The following KAZN variants were observed in gnomAD, a reference collection of about 807,000 sequenced individuals.
KAZN encodes kazrin, periplakin interacting protein, also known as kazrin.
Under a neutral mutation model 87.4 loss-of-function variants are expected in KAZN, and 40 were observed. The observed-to-expected ratio is 0.46, with a 90% CI of 0.36 to 0.60. The LOEUF is 0.60. Ranked by LOEUF, KAZN falls within the 20% of genes least tolerant of loss-of-function variation. KAZN has a pLI of 0.00. For synonymous variants in KAZN, 466 were observed against 458.3 expected (o/e 1.02, Z -0.22); for missense variants, 898 against 1,073.9 (o/e 0.84, Z 2.29).
In KAZN at chr1:14,195,511, T is replaced by A. The variant is rs867851629; in HGVS notation, c.249+14919T>A. Among the ~76,000 whole-genome samples, 16 of 146,190 alleles carry A rather than the reference T, an allele frequency of 1.1e-4. No individual in the cohort carries two copies. The South Asian group carries it at 1.6e-3, about 15-fold the overall frequency. On this transcript the variant is annotated intron_variant, in intron 2 of 16. Coordinates refer to the KAZN transcript ENST00000636203. ...CAGGGATTCCAATTACAAAAACGGC[T>A]CACACACACACACACACACACACAC...
At chr1:14,155,400 A>G (rs1430532382) in intron 1 of KAZN, among the ~76,000 whole-genome samples, 1 of 151,928 alleles carries the variant, frequency 6.6e-6, no homozygotes, top group Non-Finnish European at 1.5e-5. Context: ...CTCTGCATTT[A>G]TTTATTTGGA....
chr1:15,109,927 G>GTA (rs796817056), intron 13 of KAZN, among the ~76,000 whole-genome samples: 142,809 of 150,938 alleles, frequency 0.95, 67,565 homozygotes, highest in East Asian at 0.99. Flanking sequence ...GTGTATGGGT[G>GTA]TGTGTGTGTG....
intron 2 of KAZN, among the ~76,000 whole-genome samples, chr1:14,515,243 C>T (rs1194251089): frequency 6.6e-6 from 1 of 152,178 alleles, no homozygotes; most frequent in Admixed American, 6.5e-5. Context: ...CCCCGACACA[C>T]CCAGATTATC....
At chr1:14,883,984 C>T (rs1363210073) in intron 1 of KAZN, among the ~76,000 whole-genome samples, 1 of 152,152 alleles carries the variant, frequency 6.6e-6, no homozygotes, top group Non-Finnish European at 1.5e-5. Flanking sequence ...CTGTATGTGT[C>T]TTCTTAGGTG....
chr1:14,609,993 A>T (rs1402891769), intron 1 of KAZN, among the ~76,000 whole-genome samples: 1 of 152,210 alleles, frequency 6.6e-6, no homozygotes, highest in Non-Finnish European at 1.5e-5. Flanking sequence ...CCTCTTGGGC[A>T]TGGGCCACTG....
intron 2 of KAZN, among the ~76,000 whole-genome samples, chr1:14,244,807 G>A (rs1649339018): frequency 6.6e-6 from 1 of 152,202 alleles, no homozygotes; most frequent in Middle Eastern, 3.4e-3. Flanking sequence ...GGTGGGTAGG[G>A]GGTGTTGACA....
chr1:14,711,748 A>C (rs1051684680), intron 1 of KAZN, among the ~76,000 whole-genome samples: 28 of 152,198 alleles, frequency 1.8e-4, no homozygotes. Context: ...GTGAGCTTGG[A>C]AGCAGATCCT....
intron 1 of KAZN, among the ~76,000 whole-genome samples, chr1:14,078,128 T>C (rs368019519): frequency 2.0e-4 from 30 of 152,236 alleles, no homozygotes; most frequent in African/African-American, 6.8e-4. Flanking sequence ...TCTGTATTTT[T>C]ACTTCTCCAT....
chr1:13,909,599 A>G (rs544781379), intron 1 of KAZN, among the ~76,000 whole-genome samples: 39 of 152,200 alleles, frequency 2.6e-4, no homozygotes, highest in Non-Finnish European at 4.7e-4. Context: ...TTGCAAATCA[A>G]TACTGAATAT....
intron 1 of KAZN, among the ~76,000 whole-genome samples, chr1:14,818,106 G>GCCC (rs965923656): frequency 2.0e-5 from 3 of 152,130 alleles, no homozygotes; most frequent in African/African-American, 7.2e-5. Context: ...TTATTCCCCC[G>GCCC]CCCCACAGCC....
chr1:14,860,036 C>A (rs1338070141), intron 1 of KAZN, among the ~76,000 whole-genome samples: 1 of 152,152 alleles, frequency 6.6e-6, no homozygotes, highest in East Asian at 1.9e-4. Context: ...AGGAAGGACC[C>A]CTGCTCCCCA....
At chr1:14,422,355 A>G (rs546830664) in intron 2 of KAZN, among the ~76,000 whole-genome samples, 1 of 152,304 alleles carries the variant, frequency 6.6e-6, no homozygotes, top group South Asian at 2.1e-4. Flanking sequence ...CCCAGTGGGG[A>G]AGAGCTTCCC....
chr1:14,657,206 C>A (rs1194578065), intron 1 of KAZN, among the ~76,000 whole-genome samples: 3 of 151,854 alleles, frequency 2.0e-5, no homozygotes, highest in African/African-American at 7.3e-5. Flanking sequence ...CCTCAGGCTC[C>A]CCGAGTAGCT....
intron 2 of KAZN, among the ~76,000 whole-genome samples, chr1:14,330,810 ACC>A (rs1656801120): frequency 6.6e-6 from 1 of 152,236 alleles, no homozygotes; most frequent in African/African-American, 2.4e-5. Context: ...ACACTATGGA[ACC>A]ATTGCAAAGA....
chr1:14,591,409 G>A (rs1676192286), intron 2 of KAZN, among the ~76,000 whole-genome samples: 1 of 136,714 alleles, frequency 7.3e-6, no homozygotes, highest in East Asian at 2.1e-4. Context: ...CCCGAACAGG[G>A]AAAGAAGAAA....
chr1:14,336,906 T>G (rs1030242238), intron 2 of KAZN, among the ~76,000 whole-genome samples: 1 of 152,248 alleles, frequency 6.6e-6, no homozygotes, highest in African/African-American at 2.4e-5. Context: ...CTTTTCTCCA[T>G]CTTGATAGTG....
intron 1 of KAZN, among the ~76,000 whole-genome samples, chr1:14,153,382 A>G (rs771906968): frequency 4.6e-5 from 7 of 152,152 alleles, no homozygotes; most frequent in Non-Finnish European, 1.0e-4. Context: ...ATATGTTGAG[A>G]GATAGGGATC....
In KAZN at chr1:14,147,877, A is replaced by G. The variant is rs531128145; in HGVS notation, c.92-32558A>G. On this transcript the variant is annotated intron_variant, in intron 1 of 16. Transcript: ENST00000636203. The stretch of plus-strand genomic sequence containing the variant: ...GTGCCTGGTACATAAGAGGTTTTTA[A>G]TGACCTTTAGCTATGACTACTATTA... 5.3e-5 allele frequency among the ~76,000 whole-genome samples: 8 copies of G among 152,160 alleles called. No homozygotes were observed. In the South Asian group the frequency reaches 8.3e-4, roughly 16 times the overall value.
intron 1 of KAZN, among the ~76,000 whole-genome samples, chr1:14,627,476 T>A (rs990473135): frequency 6.6e-6 from 1 of 152,112 alleles, no homozygotes; most frequent in African/African-American, 2.4e-5. Context: ...ACAGGCCTGA[T>A]ACGATCTCAC....
Sources: gnomAD v4.1 joint callset for allele counts (sites outside exome capture counted in the v4.1 genomes callset) on GRCh38, gnomAD v4.1.1 for gene constraint, MANE v1.5 for transcripts, NCBI Gene and HGNC (gene_info 2026-07-23, HGNC 2026-07-21) for gene names.